The following DIS3L variants were observed in gnomAD, a reference collection of about 807,000 sequenced individuals.
DIS3L encodes DIS3-like exonuclease 1.
Under a neutral mutation model 120.3 loss-of-function variants are expected in DIS3L, and 100 were observed. The ratio of observed to expected loss-of-function variants is 0.83; its 90% CI spans 0.71 to 0.98. The LOEUF (loss-of-function observed/expected upper bound fraction) is 0.98, where lower values mean the gene tolerates loss of function less well. Ranked by LOEUF, DIS3L falls within the 50% of genes least tolerant of loss-of-function variation. The probability of loss-of-function intolerance (pLI) is 0.00; values close to 1 mark genes in which losing one functional copy is unlikely to be tolerated. For missense variants in DIS3L, 1,196 were observed against 1,314.2 expected, an observed-to-expected ratio of 0.91 and a Z score of 1.39; for synonymous variants, 426 against 470.6, an observed-to-expected ratio of 0.91 and a Z score of 1.23.
At chr15:66,322,521 A>C (rs189565619) in intron 9 of DIS3L, among the ~76,000 whole-genome samples, 166 bp from the exon 10 acceptor site, 23 of 152,332 alleles carry the variant, frequency 1.5e-4, no homozygotes, top group Middle Eastern at 3.4e-3. Context: ...GGGATATCTG[A>C]GGCACCTAGT....
At chr15:66,311,215 T>G (rs2092757755) in intron 4 of DIS3L, among the ~76,000 whole-genome samples, 1 of 151,810 alleles carries the variant, frequency 6.6e-6, no homozygotes, top group East Asian at 1.9e-4. Flanking sequence ...ATAAAAAAAT[T>G]AGCCATGTGT....
At chr15:66,322,629 TG>T (rs1566953515) in intron 9 of DIS3L, 57 bp from the exon 10 acceptor site, 2 of 1,596,304 alleles carry the variant, frequency 1.3e-6, no homozygotes, top group Non-Finnish European at 1.7e-6. Flanking sequence ...TATTAGTGAG[TG>T]GATTTTTACA....
intron 7 of DIS3L, among the ~76,000 whole-genome samples, chr15:66,316,237 G>A (rs780665842): frequency 6.6e-6 from 1 of 151,548 alleles, no homozygotes; most frequent in Non-Finnish European, 1.5e-5. Flanking sequence ...TCTTCCCCAC[G>A]TGTTCCCCAG....
Position 66,329,257 on chromosome 15 carries a change from C to T in DIS3L, c.2393C>T (p.Pro798Leu). 6.2e-7 allele frequency: 1 copy of T among 1,609,858 alleles called. No individual in the cohort carries two copies. The highest frequency in any genetic ancestry group is 8.5e-7 in the Non-Finnish European group (1 of 1,178,326). ...ALDKYTHFTSPIRRYSDIVVH... is the reference protein window; with the variant it reads ...ALDKYTHFTSLIRRYSDIVVH... ...GATAAATATACCCACTTTACTTCTC[C>T]AATAAGAAGATATTCAGATATTGTA... The change falls in exon 14 of 17, where the codon CCA becomes CTA. Residue 798 changes from proline to leucine, a missense_variant. Transcript: ENST00000319212.
chr15:66,329,686 C>T (rs1330095899), intron 14 of DIS3L: 22 of 1,052,288 alleles, frequency 2.1e-5, no homozygotes, highest in Middle Eastern at 4.5e-4. Context: ...CACTTGAGGG[C>T]GGATCACTTG....
chr15:66,302,669 T>C (rs1249083037), intron 2 of DIS3L, among the ~76,000 whole-genome samples: 2 of 152,164 alleles, frequency 1.3e-5, no homozygotes, highest in Non-Finnish European at 2.9e-5. Context: ...CTCACTCTTA[T>C]TCATCCTTCA....
Position 66,325,527 on chromosome 15 carries a change from G to T in DIS3L, c.1668-304G>T, listed in dbSNP as rs1276354087. Among the ~76,000 whole-genome samples the T allele has an allele frequency of 3.3e-5, 5 of 152,198 alleles. No homozygotes were observed. The East Asian group carries it at 9.6e-4, about 29-fold the overall frequency. The stretch of plus-strand genomic sequence containing the variant: ...AAAATATTTTTTGATTTAGTTGTAA[G>T]GTGGTTGGATTGACAAACCAGAAAC... On this transcript the variant is annotated intron_variant, in intron 11 of 16. Transcript: ENST00000319212.
At chr15:66,304,671 C>T (rs995714758) in intron 2 of DIS3L, among the ~76,000 whole-genome samples, 9 of 151,844 alleles carry the variant, frequency 5.9e-5, no homozygotes, top group East Asian at 2.0e-4. Flanking sequence ...GAGGCCGAGG[C>T]GGGTGGATCA....
chr15:66,321,470 T>C (rs975640150), intron 9 of DIS3L, among the ~76,000 whole-genome samples: 2 of 152,080 alleles, frequency 1.3e-5, no homozygotes, highest in African/African-American at 4.8e-5. Flanking sequence ...TTCAGTGTTA[T>C]AAAAAAATGT....
At chr15:66,309,639 T>G (rs2092740974) in intron 4 of DIS3L, among the ~76,000 whole-genome samples, 1 of 152,166 alleles carries the variant, frequency 6.6e-6, no homozygotes, top group Non-Finnish European at 1.5e-5. Flanking sequence ...GCTAAGTAAC[T>G]TGTTAAAAGT....
chr15:66,330,279 A>G (rs2092986512), intron 14 of DIS3L: 2 of 984,914 alleles, frequency 2.0e-6, no homozygotes, highest in South Asian at 4.7e-5. Context: ...CCTGGGTGAC[A>G]GAGCGAAACT....
chr15:66,317,353 A>G (rs1289609961), intron 7 of DIS3L, among the ~76,000 whole-genome samples: 1 of 141,124 alleles, frequency 7.1e-6, no homozygotes, highest in Non-Finnish European at 1.6e-5. Context: ...GGGAAAAAAA[A>G]AAAAAAAAAG....
At chr15:66,330,657 G>A (rs2092990172) in intron 14 of DIS3L, 8 of 429,904 alleles carry the variant, frequency 1.9e-5, no homozygotes, top group Non-Finnish European at 2.2e-5. Context: ...ATAGCTCAGT[G>A]GCCACTTGTG....
intron 14 of DIS3L, among the ~76,000 whole-genome samples, chr15:66,330,738 C>T (rs914106493): frequency 1.3e-5 from 2 of 152,160 alleles, no homozygotes; most frequent in Non-Finnish European, 2.9e-5. Flanking sequence ...TGTTGGGCAG[C>T]ACTGTTCTAA....
intron 2 of DIS3L, among the ~76,000 whole-genome samples, chr15:66,306,359 T>C (rs2092702512): frequency 6.6e-6 from 1 of 152,166 alleles, no homozygotes; most frequent in Non-Finnish European, 1.5e-5. Context: ...TCCCCAAACT[T>C]ATTTACCTTA....
chr15:66,294,426 A>G (rs143778145), intron 1 of DIS3L: 1 of 985,640 alleles, frequency 1.0e-6, no homozygotes, highest in Non-Finnish European at 1.2e-6. Context: ...AATGTGTGGA[A>G]TCCTCCAAAC....
intron 2 of DIS3L, among the ~76,000 whole-genome samples, chr15:66,296,655 C>G (rs1193439528): frequency 6.6e-6 from 1 of 151,946 alleles, no homozygotes; most frequent in Non-Finnish European, 1.5e-5. Flanking sequence ...TCCTGAGTAG[C>G]TGGGATTACA....
intron 13 of DIS3L, 40 bp from the exon 14 acceptor site, chr15:66,329,180 AT>A (rs2092971812): frequency 6.3e-6 from 10 of 1,587,452 alleles, no homozygotes; most frequent in Non-Finnish European, 8.6e-6. Context: ...TTATTTTAAA[AT>A]AGTTTTTGTT....
rs959239144 is a variant in DIS3L, at chr15:66,293,676, T to A, written c.80T>A (p.Leu27Gln). ...CTGCGGATCGTGCGCGAGCACTACC[T>A]GCGGCCCTGCGTGCCCTGCCACAGC... is the stretch of plus-strand genomic sequence containing the variant. ...RTLRIVREHY[L>Q]RPCVPCHSPL... is the part of the protein sequence containing the mutation. Residue 27 changes from leucine (L) to glutamine (Q), a missense_variant, in exon 1 of 17, where the codon CTG becomes CAG. Leu to Gln is a moderately radical substitution (Grantham distance 113, BLOSUM62 -2). Coordinates refer to ENST00000319212, the MANE Select transcript of DIS3L (RefSeq NM_001143688.3). The A allele has an allele frequency of 6.4e-6, 9 of 1,410,864 alleles. No individual in the cohort carries two copies. Among genetic ancestry groups the A allele is most frequent in the African/African-American group, 1.5e-5 (1 of 67,090 alleles). The allele number at this position is 1,410,864 out of a possible 1,614,324, so 87.4% of individuals were successfully genotyped here.
Sources: allele counts gnomAD v4.1 joint callset (sites outside exome capture counted in the v4.1 genomes callset), GRCh38; gene constraint gnomAD v4.1.1; transcripts MANE v1.5; gene names NCBI Gene and HGNC (gene_info 2026-07-23, HGNC 2026-07-21).